Variants in OTOGL observed in about 807,000 individuals in gnomAD.
OTOGL encodes otogelin-like protein.
In OTOGL, 285 loss-of-function variants were observed where a neutral mutation model predicts 318.5. The ratio of observed to expected loss-of-function variants is 0.89; its 90% CI spans 0.81 to 0.99. OTOGL has a LOEUF of 0.99. OTOGL is among the 50% of genes least tolerant of loss of function. The pLI is 0.00. For missense variants in OTOGL, 2,899 were observed against 2,845.6 expected (o/e 1.02, Z -0.43); for synonymous variants, 987 against 936.5 (o/e 1.05, Z -0.99).
chr12:80,205,405 G>A lies in OTOGL; in HGVS notation c.-19-4008G>A, dbSNP rs922970179. On this transcript the variant is annotated intron_variant, in intron 1 of 58. Coordinates refer to ENST00000547103, the MANE Select transcript of OTOGL (RefSeq NM_001378609.3). Reference sequence around the variant, plus strand: ...ATAAAACATAACACATTAACTTCTGGGGATGAGTGTTAAATTGAAATCATG... The same window carrying A: ...ATAAAACATAACACATTAACTTCTGAGGATGAGTGTTAAATTGAAATCATG... Among the ~76,000 whole-genome samples the A allele has an allele frequency of 2.0e-5, 3 of 152,114 alleles. No homozygotes were observed. The South Asian group carries it at 6.2e-4, about 32-fold the overall frequency.
chr12:80,201,878 A>G (rs1053291815), intron 1 of OTOGL, among the ~76,000 whole-genome samples: 8 of 152,196 alleles, frequency 5.3e-5, no homozygotes, highest in African/African-American at 1.9e-4. Flanking sequence ...CTATAATTCT[A>G]TGTCAGGGAG....
chr12:80,112,705 C>CTTTTTTTTTTTTTTT (rs546093754), intron 1 of OTOGL, among the ~76,000 whole-genome samples: 1 of 128,670 alleles, frequency 7.8e-6, no homozygotes. Context: ...CTGAAATTTT[C>CTTTTTTTTTTTTTTT]TTTCTTTTTT....
At chr12:80,288,716 G>A (rs1427862625) in intron 26 of OTOGL, among the ~76,000 whole-genome samples, 1 of 151,826 alleles carries the variant, frequency 6.6e-6, no homozygotes, top group Non-Finnish European at 1.5e-5. Flanking sequence ...GCTTCACGAA[G>A]TTCTCATGTT....
chr12:80,316,842 C>T, intron 32 of OTOGL, among the ~76,000 whole-genome samples: 1 of 152,234 alleles, frequency 6.6e-6, no homozygotes. Context: ...TCACAGCTAT[C>T]ATAAATTTAC....
At chr12:80,282,627 C>A (rs1035173415) in intron 26 of OTOGL, among the ~76,000 whole-genome samples, 1 of 151,688 alleles carries the variant, frequency 6.6e-6, no homozygotes, top group Admixed American at 6.6e-5. Context: ...TTTGAACAAG[C>A]CTGTTTTAGC....
At chr12:80,227,465 T>G (rs988407437) in intron 7 of OTOGL, among the ~76,000 whole-genome samples, 2 of 152,228 alleles carry the variant, frequency 1.3e-5, no homozygotes, top group African/African-American at 4.8e-5. Flanking sequence ...ATCAAATGAC[T>G]AATGATTCAT....
intron 1 of OTOGL, among the ~76,000 whole-genome samples, chr12:80,119,433 T>C (rs923672024): frequency 6.6e-6 from 1 of 152,212 alleles, no homozygotes; most frequent in African/African-American, 2.4e-5. Context: ...AGTGTTATAA[T>C]TGCAATGGCA....
chr12:80,293,669 T>TA (rs911131468), intron 26 of OTOGL, among the ~76,000 whole-genome samples: 2 of 152,134 alleles, frequency 1.3e-5, no homozygotes, highest in African/African-American at 2.4e-5. Flanking sequence ...TTTTTTTTTT[T>TA]ACCTGGTCAG....
chr12:80,329,129 T>C lies in OTOGL; in HGVS notation c.4348+10T>C, dbSNP rs768904990. 6.7e-7 allele frequency: 1 copy of C among 1,503,588 alleles called. No individual in the cohort carries two copies. The highest frequency in any genetic ancestry group is 8.8e-7 in the Non-Finnish European group (1 of 1,131,902). The allele number at this position is 1,503,588 out of a possible 1,614,324, so 93.1% of individuals were successfully genotyped here. A position where few individuals can be genotyped will look rare whatever the true frequency, so the allele number is the denominator to read the frequency against. On this transcript the variant is annotated intron_variant, in intron 37 of 58. Coordinates refer to ENST00000547103, the MANE Select transcript of OTOGL (RefSeq NM_001378609.3). ...GTGCCCATGTTTACAGGTATTGTTATAATTTTAGACAACAAAAGTAGCACT... is the reference window on the plus strand; with the variant it reads ...GTGCCCATGTTTACAGGTATTGTTACAATTTTAGACAACAAAAGTAGCACT...
chr12:80,302,723 T>C lies in OTOGL; in HGVS notation c.3153T>C (p.Asp1051=). Reference sequence around the variant, plus strand: ...TAGTAGTATACTTTCCAGAGAAAGATATCACTATTCTTTGGGATAGGAAGA... The same window carrying C: ...TAGTAGTATACTTTCCAGAGAAAGACATCACTATTCTTTGGGATAGGAAGA... ...YYIVVYFPEK[D]ITILWDRKTT... is the part of the protein sequence containing the mutation. Residue 1051 remains aspartate (D), a synonymous_variant, in exon 28 of 59, where the codon GAT becomes GAC. Coordinates refer to ENST00000547103, the MANE Select transcript of OTOGL (RefSeq NM_001378609.3). 1 of 1,543,218 alleles carries C rather than the reference T, an allele frequency of 6.5e-7. No homozygotes were observed. Among genetic ancestry groups the C allele is most frequent in the Non-Finnish European group, 8.7e-7 (1 of 1,149,758 alleles).
chr12:80,219,938 T>C (rs768398645), intron 6 of OTOGL, 26 bp downstream of exon 6: 15 of 1,470,392 alleles, frequency 1.0e-5, no homozygotes, highest in Non-Finnish European at 1.4e-5. Context: ...GCTTGTGAGA[T>C]AATTATGAGA....
chr12:80,211,592 T>C (rs913164925), intron 3 of OTOGL, among the ~76,000 whole-genome samples: 3 of 152,178 alleles, frequency 2.0e-5, no homozygotes, highest in Admixed American at 1.3e-4. Context: ...AAGGTACAAA[T>C]ACTGACCTCA....
chr12:80,354,179 A>G (rs754407489), intron 46 of OTOGL, among the ~76,000 whole-genome samples: 9 of 152,228 alleles, frequency 5.9e-5, no homozygotes, highest in Non-Finnish European at 1.3e-4. Flanking sequence ...TAGTTCTAGC[A>G]GAAATGGAAT....
intron 37 of OTOGL, among the ~76,000 whole-genome samples, chr12:80,331,501 G>A (rs924107784): frequency 2.0e-5 from 3 of 151,632 alleles, no homozygotes; most frequent in Non-Finnish European, 4.4e-5. Context: ...CCACATGCCC[G>A]GCTAATTTTT....
intron 11 of OTOGL, among the ~76,000 whole-genome samples, chr12:80,250,686 G>T (rs1881463939): frequency 6.6e-6 from 1 of 152,148 alleles, no homozygotes; most frequent in Non-Finnish European, 1.5e-5. Context: ...CATTACAGTA[G>T]CACAGGATAA....
chr12:80,228,585 T>A (rs113565065), intron 7 of OTOGL, among the ~76,000 whole-genome samples: 27 of 152,198 alleles, frequency 1.8e-4, no homozygotes, highest in African/African-American at 6.3e-4. Context: ...TTGTAATCTC[T>A]GTTTTCTTTC....
intron 1 of OTOGL, among the ~76,000 whole-genome samples, chr12:80,184,308 C>A (rs1172622534): frequency 1.3e-5 from 2 of 152,184 alleles, no homozygotes; most frequent in Non-Finnish European, 2.9e-5. Flanking sequence ...AGACAAGACA[C>A]TTTTAGTGTT....
At position 80,262,060 on chromosome 12, in the gene OTOGL, G is replaced by A. The variant is rs57587257; in HGVS notation, c.1981G>A (p.Val661Met). The A allele has an allele frequency of 4.3e-4, 699 of 1,612,350 alleles. 6 individuals are homozygous for A. The African/African-American group carries it at 8.2e-3, about 19-fold the overall frequency. The part of the protein sequence containing the change: ...STCFAPVHVP[V>M]VDPCNINQQN... The stretch of plus-strand genomic sequence containing the variant: ...CTGTTTTGCACCTGTTCATGTCCCA[G>A]TGGTGGACCCCTGTAACATCAATCA... Residue 661 changes from valine (V) to methionine (M), a missense_variant, in exon 19 of 59, where the codon GTG becomes ATG. Around this residue, in one of 3 missense-constraint regions of OTOGL, gnomAD observed 2,607 missense variants for 2,524.9 expected, o/e 1.03. Transcript: ENST00000547103.
At chr12:80,099,650 A>T (rs1408330789) in intron 1 of OTOGL, 45 bp downstream of exon 1, 1 of 152,224 alleles carries the variant, frequency 6.6e-6, no homozygotes, top group Non-Finnish European at 1.5e-5. Context: ...AAGAAAGCAA[A>T]TCGAGAAGTA....
Sources: gnomAD v4.1 joint callset for allele counts (sites outside exome capture counted in the v4.1 genomes callset) on GRCh38, gnomAD v4.1.1 for gene constraint, gnomAD v4.1.1 regional missense constraint, MANE v1.5 for transcripts, NCBI Gene and HGNC (gene_info 2026-07-23, HGNC 2026-07-21) for gene names.